DLGAP1: variants seen among roughly 807,000 people sequenced by gnomAD.
DLGAP1 encodes disks large-associated protein 1.
DLGAP1 carries 11 observed loss-of-function variants against 90.8 expected under a neutral mutation model. The observed-to-expected ratio is 0.12, with a 90% CI of 0.08 to 0.20. The LOEUF (loss-of-function observed/expected upper bound fraction) is 0.20, where lower values mean the gene tolerates loss of function less well. Among genes scored for constraint, DLGAP1 ranks in the 10% least tolerant of loss-of-function variants. The pLI is 1.00. For synonymous variants in DLGAP1, 558 were observed against 540.7 expected (o/e 1.03, Z -0.44); for missense variants, 1,050 against 1,333.8 (o/e 0.79, Z 3.31).
intron 2 of DLGAP1, among the ~76,000 whole-genome samples, chr18:4,070,234 C>T (rs1348979032): frequency 1.3e-5 from 2 of 152,180 alleles, no homozygotes; most frequent in Non-Finnish European, 2.9e-5. Context: ...CTGCCCACCT[C>T]AGCCTCCCAA....
intron 4 of DLGAP1, among the ~76,000 whole-genome samples, chr18:3,829,939 C>T: frequency 6.6e-6 from 1 of 152,258 alleles, no homozygotes; most frequent in Non-Finnish European, 1.5e-5. Flanking sequence ...ACTTGATGGG[C>T]AGACAGGGCC....
intron 2 of DLGAP1, among the ~76,000 whole-genome samples, chr18:4,099,668 T>TGG: frequency 6.6e-6 from 1 of 151,770 alleles, no homozygotes; most frequent in East Asian, 1.9e-4. Context: ...TGCTGAAGGT[T>TGG]GGTGTGGTTG....
chr18:3,817,137 A>C (rs1332494025), intron 4 of DLGAP1, among the ~76,000 whole-genome samples: 1 of 152,188 alleles, frequency 6.6e-6, no homozygotes, highest in Admixed American at 6.5e-5. Flanking sequence ...TAGATGACGC[A>C]CACCACACTT....
intron 1 of DLGAP1, among the ~76,000 whole-genome samples, chr18:4,453,568 T>C (rs1469940753): frequency 1.3e-5 from 2 of 152,044 alleles, no homozygotes; most frequent in East Asian, 3.9e-4. Flanking sequence ...TCTTTCAGGG[T>C]AAAAAATAAT....
intron 7 of DLGAP1, among the ~76,000 whole-genome samples, chr18:3,617,591 C>CA (rs66810699): frequency 0.69 from 91,636 of 132,126 alleles, 32,888 homozygotes; most frequent in Non-Finnish European, 0.79. Context: ...AACTCCATCT[C>CA]AAAAAAAAAA....
At chr18:3,563,448 C>A (rs986356116) in intron 9 of DLGAP1, among the ~76,000 whole-genome samples, 2 of 148,822 alleles carry the variant, frequency 1.3e-5, no homozygotes, top group African/African-American at 4.9e-5. Flanking sequence ...CTCAGATAAT[C>A]TGTTATGGCT....
rs530924600 is a variant in DLGAP1, at chr18:4,267,850, G to A, written c.-266-116563C>T. 2.2e-4 allele frequency among the ~76,000 whole-genome samples: 34 copies of A among 152,244 alleles called. 2 individuals are homozygous for A. The highest frequency in any genetic ancestry group is 1.9e-3 in the South Asian group (9 of 4,822). On this transcript the variant is annotated intron_variant, in intron 1 of 12. Transcript: ENST00000315677. ...TCTCCACAGGGCCACTCACAACATG[G>A]CAGCCGGCTTCCCTGAGTGAGTGAT...
chr18:3,544,359 G>A (rs1293276533), intron 9 of DLGAP1, among the ~76,000 whole-genome samples: 1 of 152,116 alleles, frequency 6.6e-6, no homozygotes, highest in Non-Finnish European at 1.5e-5. Flanking sequence ...CTGCACTCCA[G>A]CATGGGCGAA....
chr18:4,210,443 G>A (rs1454729590), intron 1 of DLGAP1, among the ~76,000 whole-genome samples: 4 of 152,146 alleles, frequency 2.6e-5, no homozygotes, highest in South Asian at 2.1e-4. Context: ...ACTACTGATC[G>A]GAAAAGTAGA....
intron 3 of DLGAP1, among the ~76,000 whole-genome samples, chr18:3,914,286 C>G (rs2072096202): frequency 6.6e-6 from 1 of 152,196 alleles, no homozygotes. Flanking sequence ...GAGTCCACAT[C>G]TAAGTGAGGT....
chr18:3,605,065 G>T lies in DLGAP1; in HGVS notation c.1592-22817C>A, dbSNP rs537040391. ...TTAGAGGAAGAGTGGAAACCCTCCA[G>T]CAGGTCCTGTCAGTCTGCAGTTTAC... On this transcript the variant is annotated intron_variant, in intron 7 of 12. Coordinates refer to ENST00000315677, the MANE Select transcript of DLGAP1 (RefSeq NM_004746.4). Among the ~76,000 whole-genome samples, 5 of 152,320 alleles carry T rather than the reference G, an allele frequency of 3.3e-5. No homozygotes were observed. The East Asian group carries it at 9.6e-4, about 29-fold the overall frequency.
chr18:4,153,074 A>G (rs1258687831), intron 1 of DLGAP1, among the ~76,000 whole-genome samples: 2 of 152,362 alleles, frequency 1.3e-5, no homozygotes, highest in African/African-American at 4.8e-5. Flanking sequence ...CACCCAAAAC[A>G]CAAGAAGAAA....
intron 2 of DLGAP1, among the ~76,000 whole-genome samples, chr18:4,038,558 CTTTAGTATGAGGTAA>C (rs1421102715): frequency 6.6e-6 from 1 of 151,990 alleles, no homozygotes; most frequent in East Asian, 1.9e-4. Context: ...TTCTCATTCT[CTTTAGTATGAGGTAA>C]AATAGACAAA....
At chr18:4,080,537 G>C (rs1045079854) in intron 2 of DLGAP1, among the ~76,000 whole-genome samples, 1 of 152,244 alleles carries the variant, frequency 6.6e-6, no homozygotes, top group South Asian at 2.1e-4. Context: ...AATCTGCATT[G>C]ATGCAGCCAG....
At chr18:4,169,927 G>A (rs1441511582) in intron 1 of DLGAP1, among the ~76,000 whole-genome samples, 1 of 152,050 alleles carries the variant, frequency 6.6e-6, no homozygotes. Flanking sequence ...AGAGTCTCAG[G>A]GCCCTTATTG....
intron 1 of DLGAP1, among the ~76,000 whole-genome samples, chr18:4,163,381 G>A (rs1415906030): frequency 6.6e-5 from 10 of 152,288 alleles, no homozygotes; most frequent in East Asian, 5.8e-4. Context: ...ATATCTGTAC[G>A]CACTACTATT....
chr18:4,089,874 T>C (rs931615247), intron 2 of DLGAP1, among the ~76,000 whole-genome samples: 22 of 152,046 alleles, frequency 1.4e-4, no homozygotes, highest in African/African-American at 4.3e-4. Context: ...TGAAACCCCG[T>C]CTCTACTAAA....
At chr18:3,766,252 A>T (rs944414865) in intron 5 of DLGAP1, among the ~76,000 whole-genome samples, 3 of 152,178 alleles carry the variant, frequency 2.0e-5, no homozygotes, top group African/African-American at 4.8e-5. Flanking sequence ...TTATATAATG[A>T]TATATCATGG....
At chr18:4,405,960 T>A (rs1466486776) in intron 1 of DLGAP1, among the ~76,000 whole-genome samples, 2 of 152,214 alleles carry the variant, frequency 1.3e-5, no homozygotes, top group Non-Finnish European at 2.9e-5. Flanking sequence ...CTCCACAATG[T>A]GGGCGCAGGC....
Sources: allele counts gnomAD v4.1 joint callset (sites outside exome capture counted in the v4.1 genomes callset), GRCh38; gene constraint gnomAD v4.1.1; transcripts MANE v1.5; gene names NCBI Gene and HGNC (gene_info 2026-07-23, HGNC 2026-07-21).